CSGALNACT1: variants seen among roughly 807,000 people sequenced by gnomAD.
CSGALNACT1 encodes the protein chondroitin sulfate N-acetylgalactosaminyltransferase 1.
In CSGALNACT1, 52 loss-of-function variants were observed where a neutral mutation model predicts 51.0. That is an observed-to-expected ratio of 1.02 (90% CI 0.82 to 1.29). CSGALNACT1 has a LOEUF of 1.29. Ranked by LOEUF, CSGALNACT1 falls within the 50% of genes most tolerant of loss-of-function variation. The pLI is 0.00. For missense variants in CSGALNACT1, 935 were observed against 679.2 expected (o/e 1.38, Z -4.19); for synonymous variants, 341 against 254.4 (o/e 1.34, Z -3.24).
intron 1 of CSGALNACT1, among the ~76,000 whole-genome samples, chr8:19,654,571 G>A (rs1460320448): frequency 1.3e-5 from 2 of 152,074 alleles, no homozygotes; most frequent in African/African-American, 4.8e-5. Context: ...TTGAGAGGGG[G>A]TTTTGCTCTA....
At chr8:19,445,852 T>C (rs748729462) in intron 5 of CSGALNACT1, among the ~76,000 whole-genome samples, 1 of 152,140 alleles carries the variant, frequency 6.6e-6, no homozygotes, top group African/African-American at 2.4e-5. Flanking sequence ...AATGTGTCCA[T>C]ATGTTTTTGG....
chr8:19,589,406 A>C lies in CSGALNACT1; in HGVS notation c.-297+1754T>G, dbSNP rs144845657. 4.2e-3 allele frequency among the ~76,000 whole-genome samples: 638 copies of C among 151,894 alleles called. 3 individuals are homozygous for C. The highest frequency in any genetic ancestry group is 0.014 in the African/African-American group (588 of 41,420). On this transcript the variant is annotated intron_variant, in intron 3 of 9. Transcript: ENST00000454498. ...ACTGGCACGATCTTAGCTCACTGCA[A>C]CCTCCGTCTCCCAGGTTCAAACAAT...
chr8:19,448,096 T>A (rs2062452708), intron 5 of CSGALNACT1, among the ~76,000 whole-genome samples: 1 of 152,150 alleles, frequency 6.6e-6, no homozygotes, highest in Non-Finnish European at 1.5e-5. Context: ...CATCTGCACA[T>A]GTGTGAGTTA....
In CSGALNACT1 at chr8:19,467,467, A is replaced by G. The variant is rs537271144; in HGVS notation, c.635-8825T>C. 2.6e-5 allele frequency among the ~76,000 whole-genome samples: 4 copies of G among 152,166 alleles called. No homozygotes were observed. The South Asian group carries it at 8.3e-4, about 32-fold the overall frequency. ...TTTCAGAGCCCTTCTTCCCTTGCAG[A>G]GAACTGCAATGTATTTCTCACCTCA... On this transcript the variant is annotated intron_variant, in intron 4 of 9. Coordinates refer to ENST00000454498, the Ensembl canonical transcript of CSGALNACT1.
intron 6 of CSGALNACT1, among the ~76,000 whole-genome samples, chr8:19,433,820 T>C (rs1480040848): frequency 1.3e-5 from 2 of 152,216 alleles, no homozygotes; most frequent in African/African-American, 4.8e-5. Flanking sequence ...TTAGTATTAG[T>C]ATATTTTATG....
At chr8:19,616,979 C>G (rs545974134) in intron 1 of CSGALNACT1, among the ~76,000 whole-genome samples, 67 of 152,224 alleles carry the variant, frequency 4.4e-4, no homozygotes, top group African/African-American at 1.3e-3. Context: ...TCTATTATTA[C>G]CACATTGTAA....
intron 4 of CSGALNACT1, among the ~76,000 whole-genome samples, chr8:19,462,340 G>A (rs2065741789): frequency 8.5e-6 from 1 of 117,646 alleles, no homozygotes; most frequent in Non-Finnish European, 1.9e-5. Context: ...GCAGGCAGAG[G>A]AATGATTTTT....
chr8:19,741,495 G>A lies in CSGALNACT1; in HGVS notation c.-297+16355C>T, dbSNP rs531889261. Among the ~76,000 whole-genome samples the A allele has an allele frequency of 4.6e-5, 7 of 150,866 alleles. No homozygotes were observed. The South Asian group carries it at 8.4e-4, about 18-fold the overall frequency. On this transcript the variant is annotated intron_variant, in intron 1 of 1. Coordinates refer to the CSGALNACT1 transcript ENST00000517494. ...GAAGAATCGCTTGAAGCCGGGAAGC[G>A]GAGGTTGCAGTGAGCCGAGATTGCA...
At chr8:19,725,141 C>T (rs562838875) in intron 1 of CSGALNACT1, among the ~76,000 whole-genome samples, 9 of 152,310 alleles carry the variant, frequency 5.9e-5, no homozygotes, top group Admixed American at 2.0e-4. Flanking sequence ...AAGTAAGCAC[C>T]GAGTCTCCCT....
intron 4 of CSGALNACT1, among the ~76,000 whole-genome samples, chr8:19,470,599 AGCTG>A (rs1175146148): frequency 6.6e-6 from 1 of 152,150 alleles, no homozygotes; most frequent in Non-Finnish European, 1.5e-5. Context: ...GTTAACAGGT[AGCTG>A]GGCATGAGCG....
chr8:19,646,635 C>T lies in CSGALNACT1; in HGVS notation c.-544+35838G>A, dbSNP rs144927254. Among the ~76,000 whole-genome samples, 46 of 152,170 alleles carry T rather than the reference C, an allele frequency of 3.0e-4. 1 individual carries two copies. In the East Asian group the frequency reaches 8.3e-3, roughly 27 times the overall value. On this transcript the variant is annotated intron_variant, in intron 1 of 9. Coordinates refer to the CSGALNACT1 transcript ENST00000332246. ...ACGCCACCTTTAGTACAAGAAAGCC[C>T]CGTCTATGAATCTCAGTGTTGCCCC...
At chr8:19,508,007 C>G (rs1249751500) in intron 3 of CSGALNACT1, among the ~76,000 whole-genome samples, 1 of 152,220 alleles carries the variant, frequency 6.6e-6, no homozygotes, top group African/African-American at 2.4e-5. Flanking sequence ...TTTATAAAAA[C>G]TTGTCATTTT....
At chr8:19,518,153 T>G (rs571285340) in intron 3 of CSGALNACT1, among the ~76,000 whole-genome samples, 11 of 152,100 alleles carry the variant, frequency 7.2e-5, no homozygotes, top group African/African-American at 2.4e-4. Flanking sequence ...GATACAGGAG[T>G]TAAGAAGCAA....
intron 4 of CSGALNACT1, among the ~76,000 whole-genome samples, chr8:19,478,085 G>A (rs918065674): frequency 6.6e-5 from 10 of 152,202 alleles, no homozygotes; most frequent in African/African-American, 2.4e-4. Flanking sequence ...GTGCAACTGT[G>A]GTTACACAGT....
At chr8:19,438,607 A>G (rs1223570206) in intron 6 of CSGALNACT1, among the ~76,000 whole-genome samples, 2 of 152,230 alleles carry the variant, frequency 1.3e-5, no homozygotes, top group African/African-American at 4.8e-5. Flanking sequence ...GCCAGACAGT[A>G]AACAGTTTAG....
At chr8:19,501,794 T>C (rs540416536) in intron 4 of CSGALNACT1, among the ~76,000 whole-genome samples, 158 of 152,330 alleles carry the variant, frequency 1.0e-3, no homozygotes, top group African/African-American at 3.5e-3. Context: ...GTATATCCCA[T>C]CCTGAAGGAA....
intron 5 of CSGALNACT1, among the ~76,000 whole-genome samples, chr8:19,453,592 T>C (rs747327530): frequency 2.6e-4 from 40 of 152,128 alleles, no homozygotes; most frequent in Non-Finnish European, 5.3e-4. Context: ...AACAGGAAAC[T>C]GTACTACAGG....
intron 4 of CSGALNACT1, among the ~76,000 whole-genome samples, chr8:19,485,696 T>G (rs2072710018): frequency 6.6e-6 from 1 of 151,048 alleles, no homozygotes; most frequent in Non-Finnish European, 1.5e-5. Flanking sequence ...AATATTCACC[T>G]TATCTTATGT....
At chr8:19,405,618 G>C in exon 10 of CSGALNACT1, 5 of 962,820 alleles carry the variant, frequency 5.2e-6, no homozygotes, top group Non-Finnish European at 8.0e-6. Context: ...TTTGATTTCT[G>C]TTGTAAAAAG....
Sources: allele counts gnomAD v4.1 joint callset (sites outside exome capture counted in the v4.1 genomes callset), GRCh38; gene constraint gnomAD v4.1.1; transcripts MANE v1.5; gene names NCBI Gene and HGNC (gene_info 2026-07-23, HGNC 2026-07-21).